APBA1: variants seen among roughly 807,000 people sequenced by gnomAD.
APBA1 encodes the protein amyloid-beta A4 precursor protein-binding family A member 1.
A neutral mutation model predicts 86.6 loss-of-function variants in APBA1; 55 were observed. The observed-to-expected ratio is 0.64, with a 90% CI of 0.51 to 0.80. The LOEUF (loss-of-function observed/expected upper bound fraction) is 0.80, where lower values mean the gene tolerates loss of function less well. Ranked by LOEUF, APBA1 falls within the 30% of genes least tolerant of loss-of-function variation. The pLI is 0.00. For synonymous variants in APBA1, 511 were observed against 493.9 expected (o/e 1.03, Z -0.46); for missense variants, 1,090 against 1,183.0 (o/e 0.92, Z 1.15).
chr9:69,653,553 T>C (rs953374404), intron 1 of APBA1, among the ~76,000 whole-genome samples: 3 of 152,206 alleles, frequency 2.0e-5, no homozygotes, highest in Non-Finnish European at 2.9e-5. Flanking sequence ...ATAGACCACA[T>C]GTTAAGTCAC....
chr9:69,656,129 A>G (rs1202677214), intron 1 of APBA1, among the ~76,000 whole-genome samples: 3 of 152,228 alleles, frequency 2.0e-5, no homozygotes, highest in South Asian at 2.1e-4. Flanking sequence ...ACCAGGTGCT[A>G]TCACCAACGT....
At chr9:69,594,198 G>A (rs1051378527) in intron 1 of APBA1, among the ~76,000 whole-genome samples, 1 of 152,102 alleles carries the variant, frequency 6.6e-6, no homozygotes, top group African/African-American at 2.4e-5. Context: ...CAACAGACAA[G>A]AGCCATGCTG....
At chr9:69,515,941 C>T (rs1299775008) in intron 2 of APBA1, 70 bp downstream of exon 2, 1 of 1,450,462 alleles carries the variant, frequency 6.9e-7, no homozygotes, top group Non-Finnish European at 9.2e-7. Flanking sequence ...CAAGGGCACA[C>T]AAGGCCATGG....
chr9:69,623,473 G>A (rs1822866904), intron 1 of APBA1, among the ~76,000 whole-genome samples: 1 of 152,010 alleles, frequency 6.6e-6, no homozygotes, highest in Non-Finnish European at 1.5e-5. Flanking sequence ...GACAGCTGGG[G>A]ACAAGCTTGA....
intron 11 of APBA1, among the ~76,000 whole-genome samples, chr9:69,434,525 G>A (rs1450562664): frequency 6.6e-6 from 1 of 152,104 alleles, no homozygotes. Flanking sequence ...TGGCCAGTAT[G>A]GTGAAACCAT....
intron 1 of APBA1, among the ~76,000 whole-genome samples, chr9:69,646,531 C>A (rs1453346302): frequency 1.3e-5 from 2 of 149,568 alleles, no homozygotes; most frequent in African/African-American, 4.9e-5. Flanking sequence ...TACTCCTCAA[C>A]ATCCACCCCT....
At chr9:69,666,933 T>C (rs961790152) in intron 1 of APBA1, among the ~76,000 whole-genome samples, 1 of 152,238 alleles carries the variant, frequency 6.6e-6, no homozygotes, top group African/African-American at 2.4e-5. Context: ...CATGTATTCA[T>C]GTGACAAATG....
chr9:69,436,494 C>T (rs1316774480), intron 11 of APBA1, among the ~76,000 whole-genome samples: 6 of 151,828 alleles, frequency 4.0e-5, no homozygotes, highest in Non-Finnish European at 8.8e-5. Context: ...AGGTCCTTCA[C>T]ATCCCTTGTA....
At chr9:69,542,196 C>T (rs918060155) in intron 1 of APBA1, among the ~76,000 whole-genome samples, 5 of 152,148 alleles carry the variant, frequency 3.3e-5, no homozygotes, top group Admixed American at 6.6e-5. Flanking sequence ...CATACACTTG[C>T]CTCCCCCACC....
intron 1 of APBA1, among the ~76,000 whole-genome samples, chr9:69,652,433 A>AGT (rs921540046): frequency 1.3e-5 from 2 of 152,100 alleles, no homozygotes; most frequent in African/African-American, 2.4e-5. Context: ...CAACCAAATA[A>AGT]GTGTGTGTGT....
intron 1 of APBA1, among the ~76,000 whole-genome samples, chr9:69,606,479 CTTTTTTTTTTTTTTTTTTT>C (rs35083481): frequency 3.9e-5 from 2 of 50,874 alleles, no homozygotes; most frequent in Admixed American, 3.5e-4. Flanking sequence ...AGGGAGCTAG[CTTTTTTTTTTTTTTTTTTT>C]TTTTTTTTTT....
chr9:69,432,488 C>T (rs767599059), intron 12 of APBA1, 48 bp downstream of exon 12: 1 of 1,439,820 alleles, frequency 6.9e-7, no homozygotes. Flanking sequence ...GAGGCAGGGG[C>T]ACCAGACGCG....
rs1363576654 is a variant in APBA1, at chr9:69,467,847, G to C, written c.1458C>G (p.Ala486=). Residue 486 remains alanine (A), a synonymous_variant, in exon 5 of 13, where the codon GCC becomes GCG. Transcript: ENST00000265381. ...TPSKNVRMMQ[A]QEAVSRIKMA... is the part of the protein sequence containing the mutation. ...CCTTGATCCTGCTTACGGCTTCCTG[G>C]GCCTGCATCATGCGCACGTTTTTGG... 1 of 1,614,144 alleles carries C rather than the reference G, an allele frequency of 6.2e-7. No homozygotes were observed. Among genetic ancestry groups the C allele is most frequent in the Admixed American group, 1.7e-5 (1 of 60,024 alleles).
intron 4 of APBA1, among the ~76,000 whole-genome samples, chr9:69,469,057 TG>T (rs1467608909): frequency 6.6e-6 from 1 of 152,016 alleles, no homozygotes; most frequent in Non-Finnish European, 1.5e-5. Context: ...GATGGGGTTT[TG>T]CCATGTTGCC....
intron 1 of APBA1, among the ~76,000 whole-genome samples, chr9:69,626,321 G>GTTGT (rs141774539): frequency 1.8e-4 from 27 of 150,876 alleles, no homozygotes; most frequent in African/African-American, 4.1e-4. Context: ...TGTTGTTATT[G>GTTGT]TTGTTTGTTT....
intron 11 of APBA1, 74 bp from the exon 12 acceptor site, chr9:69,432,750 G>A: frequency 7.4e-7 from 1 of 1,349,674 alleles, no homozygotes; most frequent in East Asian, 2.8e-5. Flanking sequence ...TTTCCTGAAA[G>A]CCCCCTGCCC....
At chr9:69,591,767 G>C (rs1822134317) in intron 1 of APBA1, among the ~76,000 whole-genome samples, 1 of 152,188 alleles carries the variant, frequency 6.6e-6, no homozygotes, top group South Asian at 2.1e-4. Flanking sequence ...TACTTTTAAA[G>C]CAAGGCCCCT....
intron 5 of APBA1, among the ~76,000 whole-genome samples, chr9:69,459,569 A>G (rs1835156801): frequency 1.3e-5 from 2 of 152,194 alleles, no homozygotes; most frequent in South Asian, 4.1e-4. Context: ...TTTATGTAAT[A>G]TTAATGTAGT....
At chr9:69,576,858 A>C (rs1669326804) in intron 1 of APBA1, among the ~76,000 whole-genome samples, 1 of 152,176 alleles carries the variant, frequency 6.6e-6, no homozygotes, top group African/African-American at 2.4e-5. Context: ...AAGTATAATA[A>C]AAAAATTATG....
Sources: gnomAD v4.1 joint callset for allele counts (sites outside exome capture counted in the v4.1 genomes callset) on GRCh38, gnomAD v4.1.1 for gene constraint, MANE v1.5 for transcripts, NCBI Gene and HGNC (gene_info 2026-07-23, HGNC 2026-07-21) for gene names.